ME1: variants seen among roughly 807,000 people sequenced by gnomAD.
ME1 encodes NADP-dependent malic enzyme.
ME1 carries 74 observed loss-of-function variants against 66.4 expected under a neutral mutation model. The ratio of observed to expected loss-of-function variants is 1.11; its 90% CI spans 0.92 to 1.35. ME1 has a LOEUF of 1.35. Among genes scored for constraint, ME1 ranks in the 40% most tolerant of loss-of-function variants. The pLI, the probability that ME1 is intolerant of heterozygous loss-of-function variation, is 0.00. For synonymous variants in ME1, 251 were observed against 235.6 expected, an observed-to-expected ratio of 1.07 and a Z score of -0.60; for missense variants, 750 against 694.1, an observed-to-expected ratio of 1.08 and a Z score of -0.90.
At chr6:83,416,023 G>A (rs1428519381) in intron 1 of ME1, among the ~76,000 whole-genome samples, 1 of 152,140 alleles carries the variant, frequency 6.6e-6, no homozygotes, top group Non-Finnish European at 1.5e-5. Flanking sequence ...AGCAACATAA[G>A]ACTAAAGGGT....
At chr6:83,254,990 C>T (rs1180192) in intron 6 of ME1, among the ~76,000 whole-genome samples, 36,138 of 152,020 alleles carry the variant, frequency 0.24, 4,509 homozygotes, top group Middle Eastern at 0.37. Flanking sequence ...CCCCTGATAT[C>T]ACAAAGCAGA....
chr6:83,417,184 G>C (rs991999769), intron 1 of ME1, among the ~76,000 whole-genome samples: 2 of 152,020 alleles, frequency 1.3e-5, no homozygotes, highest in African/African-American at 4.8e-5. Context: ...TGAGTAGCTG[G>C]AACTATACGC....
intron 1 of ME1, among the ~76,000 whole-genome samples, chr6:83,429,334 A>T (rs1207186586): frequency 1.3e-5 from 2 of 152,142 alleles, no homozygotes; most frequent in Non-Finnish European, 2.9e-5. Flanking sequence ...TTGCTCAGGG[A>T]TTGCTCATGC....
In ME1 at chr6:83,392,920, G is replaced by T. The variant is rs1562000997; in HGVS notation, c.362+5447C>A. ...GCCAAGGTCATCCATGACAACTTTG[G>T]TACCGTGGAAGGACTCATGACCATC... On this transcript the variant is annotated intron_variant, in intron 3 of 13. Coordinates refer to ENST00000369705, the MANE Select transcript of ME1 (RefSeq NM_002395.6). 2.6e-5 allele frequency: 21 copies of T among 809,732 alleles called. No homozygotes were observed. In the South Asian group the frequency reaches 2.8e-4, roughly 11 times the overall value. 50.2% of individuals were successfully genotyped at this position (809,732 alleles called of 1,614,324 possible).
intron 9 of ME1, among the ~76,000 whole-genome samples, chr6:83,232,623 C>T (rs1176256861): frequency 6.6e-6 from 1 of 152,124 alleles, no homozygotes; most frequent in Non-Finnish European, 1.5e-5. Flanking sequence ...TTTTTACCAG[C>T]TTACATAGTC....
At chr6:83,239,741 C>G (rs1790477617) in intron 7 of ME1, 105 bp from the exon 8 acceptor site, 1 of 755,268 alleles carries the variant, frequency 1.3e-6, no homozygotes, top group Non-Finnish European at 2.2e-6. Flanking sequence ...TTAACTGGTA[C>G]AGAAGAGAAA....
At chr6:83,242,842 A>T (rs1790533794) in intron 7 of ME1, among the ~76,000 whole-genome samples, 1 of 152,130 alleles carries the variant, frequency 6.6e-6, no homozygotes, top group Non-Finnish European at 1.5e-5. Context: ...GTTGGCCGGC[A>T]GTGGGGAATA....
intron 1 of ME1, among the ~76,000 whole-genome samples, chr6:83,423,524 C>G (rs923342681): frequency 5.9e-5 from 9 of 152,102 alleles, no homozygotes; most frequent in Admixed American, 2.0e-4. Context: ...TAGGGCCAGG[C>G]ACAGTGGCTC....
At chr6:83,413,608 G>T (rs533673650) in intron 1 of ME1, among the ~76,000 whole-genome samples, 116 of 151,906 alleles carry the variant, frequency 7.6e-4, no homozygotes, top group Non-Finnish European at 1.1e-3. Flanking sequence ...TTCTGAAAGA[G>T]ATAAAATTGA....
At chr6:83,299,829 G>A (rs201912467) in intron 6 of ME1, among the ~76,000 whole-genome samples, 20 of 152,120 alleles carry the variant, frequency 1.3e-4, no homozygotes, top group East Asian at 9.7e-4. Flanking sequence ...AAATCTTATC[G>A]AAGGCCTGTT....
intron 5 of ME1, among the ~76,000 whole-genome samples, chr6:83,342,837 C>T (rs947685307): frequency 2.6e-5 from 4 of 152,124 alleles, no homozygotes; most frequent in Non-Finnish European, 5.9e-5. Context: ...CAGGCATGTG[C>T]CACCATGCCC....
At chr6:83,396,269 C>T (rs979878651) in intron 3 of ME1, among the ~76,000 whole-genome samples, 3 of 152,054 alleles carry the variant, frequency 2.0e-5, no homozygotes, top group African/African-American at 7.2e-5. Context: ...GAGGCTGAGC[C>T]ATGAGAATCA....
chr6:83,242,827 G>A (rs1182003687), intron 7 of ME1, among the ~76,000 whole-genome samples: 1 of 152,124 alleles, frequency 6.6e-6, no homozygotes, highest in African/African-American at 2.4e-5. Context: ...TGAGAAAGCT[G>A]AATTGTTGGC....
chr6:83,322,846 C>T (rs1279026863), intron 5 of ME1, among the ~76,000 whole-genome samples: 1 of 152,136 alleles, frequency 6.6e-6, no homozygotes, highest in African/African-American at 2.4e-5. Flanking sequence ...CCCCAAGATG[C>T]ATAATCGTCA....
chr6:83,259,541 T>C (rs757130449), intron 6 of ME1, among the ~76,000 whole-genome samples: 2 of 152,148 alleles, frequency 1.3e-5, no homozygotes, highest in Non-Finnish European at 2.9e-5. Context: ...ATGACAAATA[T>C]TAGCTTCAAG....
intron 4 of ME1, among the ~76,000 whole-genome samples, chr6:83,351,814 C>T (rs1052815018): frequency 6.6e-6 from 1 of 152,094 alleles, no homozygotes; most frequent in Non-Finnish European, 1.5e-5. Flanking sequence ...ACATATTCAA[C>T]ATTTATCATT....
chr6:83,293,335 C>A (rs1003492656), intron 6 of ME1, among the ~76,000 whole-genome samples: 1 of 152,150 alleles, frequency 6.6e-6, no homozygotes, highest in Non-Finnish European at 1.5e-5. Context: ...AGTGTATTCA[C>A]AGCATCGTAC....
At chr6:83,349,854 G>A (rs1768764096) in intron 4 of ME1, among the ~76,000 whole-genome samples, 1 of 152,082 alleles carries the variant, frequency 6.6e-6, no homozygotes, top group South Asian at 2.1e-4. Flanking sequence ...TCAGGCAAGT[G>A]AATTTCCTTA....
chr6:83,268,156 T>C (rs975914008), intron 6 of ME1, among the ~76,000 whole-genome samples: 1 of 152,176 alleles, frequency 6.6e-6, no homozygotes, highest in African/African-American at 2.4e-5. Context: ...TTAAATGATC[T>C]ACTCATCTCT....
Sources: gnomAD v4.1 joint callset for allele counts (sites outside exome capture counted in the v4.1 genomes callset) on GRCh38, gnomAD v4.1.1 for gene constraint, MANE v1.5 for transcripts, NCBI Gene and HGNC (gene_info 2026-07-23, HGNC 2026-07-21) for gene names.